CYP2C19: variants seen among roughly 807,000 people sequenced by gnomAD.
CYP2C19 encodes cytochrome P450 family 2 subfamily C member 19, also known as cytochrome P450 2C19.
Under a neutral mutation model 40.9 loss-of-function variants are expected in CYP2C19, and 59 were observed. The observed-to-expected ratio is 1.44, with a 90% CI of 1.17 to 1.79. The LOEUF is 1.79. CYP2C19 is among the 40% of genes most tolerant of loss of function. The pLI is 0.00. For missense variants in CYP2C19, 754 were observed against 596.9 expected (o/e 1.26, Z -2.74); for synonymous variants, 253 against 208.7 (o/e 1.21, Z -1.83).
chr10:94,765,936 T>G (rs1465608310), intron 1 of CYP2C19, among the ~76,000 whole-genome samples: 1 of 152,052 alleles, frequency 6.6e-6, no homozygotes, highest in African/African-American at 2.4e-5. Flanking sequence ...AAGATGGTAT[T>G]TGTAGTTACA....
At chr10:94,769,715 G>A (rs1020630919) in intron 1 of CYP2C19, among the ~76,000 whole-genome samples, 2 of 152,078 alleles carry the variant, frequency 1.3e-5, no homozygotes, top group Non-Finnish European at 2.9e-5. Flanking sequence ...CAGGCCTTAA[G>A]GGATATTGCC....
At chr10:94,771,426 T>A (rs576802937) in intron 1 of CYP2C19, among the ~76,000 whole-genome samples, 7 of 152,260 alleles carry the variant, frequency 4.6e-5, no homozygotes, top group African/African-American at 1.7e-4. Flanking sequence ...GGATATAAGG[T>A]ATTTCACTCC....
chr10:94,827,024 G>T (rs1849237428), intron 6 of CYP2C19, among the ~76,000 whole-genome samples: 1 of 152,122 alleles, frequency 6.6e-6, no homozygotes, highest in Admixed American at 6.5e-5. Context: ...ACTCGATCAT[G>T]GTGGATAAGC....
At chr10:94,811,856 G>A (rs1343065411) in intron 5 of CYP2C19, among the ~76,000 whole-genome samples, 1 of 151,862 alleles carries the variant, frequency 6.6e-6, no homozygotes, top group Admixed American at 6.6e-5. Context: ...CTTTTAATTG[G>A]GGCATTTAGC....
At chr10:94,832,652 T>G (rs1849351739) in intron 6 of CYP2C19, among the ~76,000 whole-genome samples, 1 of 152,204 alleles carries the variant, frequency 6.6e-6, no homozygotes, top group Non-Finnish European at 1.5e-5. Context: ...CCATGCTGTT[T>G]TTGTTAGTAT....
At position 94,821,098 on chromosome 10, in the gene CYP2C19, G is replaced by GGAAAA. The variant is rs200742028; in HGVS notation, c.961+477_961+481dup. ...ACCCTGTCTCAGAAAAGAAAAAAAA[G>GGAAAA]GAAAAGAAAAGAAAAGAAAAAAAGG... On this transcript the variant is annotated intron_variant, in intron 6 of 8. Transcript: ENST00000371321. Among the ~76,000 whole-genome samples the GGAAAA allele has an allele frequency of 6.3e-3, 954 of 151,970 alleles. 5 individuals carry two copies. Among genetic ancestry groups the GGAAAA allele is most frequent in the African/African-American group, 0.022 (900 of 41,456 alleles).
At chr10:94,770,295 A>G (rs1848309957) in intron 1 of CYP2C19, among the ~76,000 whole-genome samples, 2 of 152,170 alleles carry the variant, frequency 1.3e-5, no homozygotes, top group Non-Finnish European at 1.5e-5. Context: ...GCCTTGGCAT[A>G]GCAGACATGG....
At chr10:94,790,147 T>G (rs1045715495) in intron 5 of CYP2C19, among the ~76,000 whole-genome samples, 5 of 152,138 alleles carry the variant, frequency 3.3e-5, no homozygotes, top group African/African-American at 4.8e-5. Flanking sequence ...TCTCTGTTTA[T>G]CTATTATTGG....
intron 6 of CYP2C19, among the ~76,000 whole-genome samples, chr10:94,826,455 T>A: frequency 6.6e-6 from 1 of 152,190 alleles, no homozygotes; most frequent in South Asian, 2.1e-4. Flanking sequence ...TTTGGCACTC[T>A]GTTTGTCTAT....
intron 7 of CYP2C19, among the ~76,000 whole-genome samples, chr10:94,847,061 TTTTA>T (rs951776021): frequency 7.3e-5 from 11 of 151,492 alleles, no homozygotes; most frequent in Admixed American, 2.6e-4. Flanking sequence ...TTCAACTTTA[TTTTA>T]TTTATTTATT....
intron 5 of CYP2C19, among the ~76,000 whole-genome samples, chr10:94,810,376 G>C (rs966998918): frequency 6.6e-5 from 10 of 152,128 alleles, no homozygotes; most frequent in Non-Finnish European, 5.9e-5. Flanking sequence ...CCAAGTTTTG[G>C]TATCAGGATG....
chr10:94,771,513 T>C lies in CYP2C19; in HGVS notation c.169-3545T>C, dbSNP rs541660725. On this transcript the variant is annotated intron_variant, in intron 1 of 8. Transcript: ENST00000371321. ...TTATACTTCCCTCAGTTGGCCATTT[T>C]TCCCCATCAGAGAGAGAATAGTGGG... 3.3e-5 allele frequency among the ~76,000 whole-genome samples: 5 copies of C among 152,274 alleles called. No individual in the cohort carries two copies. The East Asian group carries it at 9.6e-4, about 29-fold the overall frequency.
chr10:94,799,446 A>AT (rs1848734451), intron 5 of CYP2C19, among the ~76,000 whole-genome samples: 1 of 151,896 alleles, frequency 6.6e-6, no homozygotes, highest in African/African-American at 2.4e-5. Flanking sequence ...TTTTTCCTTC[A>AT]TTTCAACTTT....
At chr10:94,772,311 A>G (rs1007538983) in intron 1 of CYP2C19, among the ~76,000 whole-genome samples, 2 of 152,084 alleles carry the variant, frequency 1.3e-5, no homozygotes, top group Non-Finnish European at 2.9e-5. Context: ...GGCAAAAATT[A>G]TGTCTTTCTG....
chr10:94,776,745 C>A (rs1848412540), intron 3 of CYP2C19, among the ~76,000 whole-genome samples: 1 of 152,104 alleles, frequency 6.6e-6, no homozygotes, highest in East Asian at 1.9e-4. Context: ...CAGAGCAAGA[C>A]AAAGATGCCC....
intron 5 of CYP2C19, among the ~76,000 whole-genome samples, chr10:94,808,101 C>T (rs148920364): frequency 1.3e-5 from 2 of 151,970 alleles, no homozygotes; most frequent in Non-Finnish European, 2.9e-5. Context: ...TCCAGTTTTC[C>T]TGTTGCTATT....
At chr10:94,836,808 G>T (rs1349610062) in intron 6 of CYP2C19, among the ~76,000 whole-genome samples, 2 of 152,218 alleles carry the variant, frequency 1.3e-5, no homozygotes. Context: ...AAGAGCGCTT[G>T]GGTGGCTTGA....
chr10:94,827,852 T>A (rs531522089), intron 6 of CYP2C19, among the ~76,000 whole-genome samples: 7 of 152,250 alleles, frequency 4.6e-5, no homozygotes, highest in African/African-American at 9.6e-5. Context: ...CCAGAGATTC[T>A]GGTATGTTGT....
At chr10:94,811,616 A>C (rs545142723) in intron 5 of CYP2C19, among the ~76,000 whole-genome samples, 76 of 151,956 alleles carry the variant, frequency 5.0e-4, no homozygotes, top group African/African-American at 1.8e-3. Context: ...CGTTGCATTG[A>C]TCCCCTTAAC....
Sources: allele counts gnomAD v4.1 joint callset (sites outside exome capture counted in the v4.1 genomes callset), GRCh38; gene constraint gnomAD v4.1.1; transcripts MANE v1.5; gene names NCBI Gene and HGNC (gene_info 2026-07-23, HGNC 2026-07-21).